Variants in SRPK2 observed in about 807,000 individuals in gnomAD.
SRPK2 encodes SFRS protein kinase 2.
SRPK2 carries 21 observed loss-of-function variants against 90.8 expected under a neutral mutation model. The observed-to-expected ratio is 0.23, with a 90% confidence interval of 0.16 to 0.33. The LOEUF is 0.33. Among genes scored for constraint, SRPK2 ranks in the 10% least tolerant of loss-of-function variants. SRPK2 has a pLI of 1.00. For synonymous variants in SRPK2, 288 were observed against 311.1 expected (o/e 0.93, Z 0.78); for missense variants, 620 against 869.0 (o/e 0.71, Z 3.60).
intron 2 of SRPK2, among the ~76,000 whole-genome samples, chr7:105,353,652 C>A (rs946182017): frequency 3.3e-5 from 5 of 152,096 alleles, no homozygotes; most frequent in Non-Finnish European, 7.4e-5. Context: ...AGACTGCCTT[C>A]AAGCAAATTC....
intron 2 of SRPK2, among the ~76,000 whole-genome samples, chr7:105,211,352 T>A (rs527327204): frequency 9.9e-5 from 15 of 152,066 alleles, no homozygotes; most frequent in African/African-American, 3.6e-4. Flanking sequence ...CCTGAATGAG[T>A]CCATTCGTGC....
intron 2 of SRPK2, among the ~76,000 whole-genome samples, chr7:105,305,696 C>T (rs1406192727): frequency 6.6e-5 from 10 of 151,994 alleles, no homozygotes; most frequent in Admixed American, 5.9e-4. Context: ...GGCTGGGGTC[C>T]CTGAATTTAA....
At position 105,329,658 on chromosome 7, in the gene SRPK2, C is replaced by T. The variant is rs181104363; in HGVS notation, c.71+58990G>A. ...GAGCAGCAGAAGATGGGAAAGGGTA[C>T]AGAAAATGAAGTGACACCCAATTCA... On this transcript the variant is annotated intron_variant, in intron 2 of 15. Transcript: ENST00000393651. Among the ~76,000 whole-genome samples the T allele has an allele frequency of 7.3e-3, 1,102 of 151,634 alleles. 10 individuals carry two copies. The highest frequency in any genetic ancestry group is 9.6e-3 in the Non-Finnish European group (650 of 67,904).
chr7:105,246,706 C>T (rs1009328504), intron 2 of SRPK2, among the ~76,000 whole-genome samples: 11 of 152,138 alleles, frequency 7.2e-5, no homozygotes, highest in Non-Finnish European at 1.0e-4. Context: ...AAGACAGAAA[C>T]CTTTTCTATT....
chr7:105,386,130 C>A (rs1331955653), intron 2 of SRPK2, among the ~76,000 whole-genome samples: 1 of 151,832 alleles, frequency 6.6e-6, no homozygotes, highest in Admixed American at 6.6e-5. Context: ...CTGGCTAACA[C>A]GGTGAAACCC....
intron 2 of SRPK2, among the ~76,000 whole-genome samples, chr7:105,223,976 ATT>A (rs1205935299): frequency 6.6e-6 from 1 of 152,188 alleles, no homozygotes; most frequent in Non-Finnish European, 1.5e-5. Flanking sequence ...AAATATGCAA[ATT>A]TAGATATATA....
rs1563005755 is a variant in SRPK2, at chr7:105,159,462, A to AC, written c.621+1044_621+1045insG. Among the ~76,000 whole-genome samples the AC allele has an allele frequency of 8.1e-4, 120 of 147,914 alleles. 6 individuals are homozygous for AC. The highest frequency in any genetic ancestry group is 3.4e-3 in the Middle Eastern group (1 of 292). On this transcript the variant is annotated intron_variant, in intron 7 of 15. Coordinates refer to ENST00000393651, the MANE Select transcript of SRPK2 (RefSeq NM_182692.3). ...GACTCCGTCTCCAAAAAAAAAAAAA[A>AC]AAAAAAAAAAACCGTACAAAAGGAA...
At chr7:105,353,132 C>G (rs896120354) in intron 2 of SRPK2, among the ~76,000 whole-genome samples, 2 of 152,118 alleles carry the variant, frequency 1.3e-5, no homozygotes, top group Non-Finnish European at 2.9e-5. Context: ...CTAAGGAACT[C>G]CCAACTCCAA....
At chr7:105,209,597 G>T (rs1449652415) in intron 2 of SRPK2, among the ~76,000 whole-genome samples, 1 of 149,924 alleles carries the variant, frequency 6.7e-6, no homozygotes, top group African/African-American at 2.5e-5. Context: ...GGAAGGGAAG[G>T]GGAAAGGAAA....
intron 3 of SRPK2, among the ~76,000 whole-genome samples, chr7:105,176,709 A>ATGTG (rs34930111): frequency 3.9e-5 from 5 of 127,436 alleles, no homozygotes; most frequent in South Asian, 4.8e-4. Flanking sequence ...ATGTATGTGT[A>ATGTG]TGTGTGTGTG....
intron 3 of SRPK2, among the ~76,000 whole-genome samples, chr7:105,181,236 G>A (rs950504607): frequency 2.0e-5 from 3 of 152,178 alleles, no homozygotes; most frequent in African/African-American, 7.2e-5. Flanking sequence ...TCAAGGTTGT[G>A]GAGAAAAGGG....
intron 2 of SRPK2, among the ~76,000 whole-genome samples, chr7:105,208,900 T>C (rs1796522791): frequency 6.6e-6 from 1 of 152,118 alleles, no homozygotes; most frequent in African/African-American, 2.4e-5. Flanking sequence ...GGCAGGAGGA[T>C]CGCTTGAGCC....
intron 2 of SRPK2, among the ~76,000 whole-genome samples, chr7:105,274,332 T>C (rs7802568): frequency 0.44 from 66,381 of 151,916 alleles, 15,802 homozygotes; most frequent in South Asian, 0.53. Flanking sequence ...GAGGCCCACG[T>C]GGGCGGATCA....
At chr7:105,331,521 G>A (rs1208302596) in intron 2 of SRPK2, among the ~76,000 whole-genome samples, 1 of 152,068 alleles carries the variant, frequency 6.6e-6, no homozygotes, top group Non-Finnish European at 1.5e-5. Context: ...AGACAAGAGA[G>A]ATGAATAGTA....
At position 105,202,204 on chromosome 7, in the gene SRPK2, G is replaced by C. The variant is rs77032007; in HGVS notation, c.229+1424C>G. Among the ~76,000 whole-genome samples, 3 of 152,280 alleles carry C rather than the reference G, an allele frequency of 2.0e-5. No individual in the cohort carries two copies. The East Asian group carries it at 5.8e-4, about 29-fold the overall frequency. ...TTAGTTCCTACACTTTTGTAGTACA[G>C]TAACTTTCTCTTCCTCTTAGCAGGT... is the stretch of plus-strand genomic sequence containing the variant. On this transcript the variant is annotated intron_variant, in intron 3 of 15. Coordinates refer to ENST00000393651, the MANE Select transcript of SRPK2 (RefSeq NM_182692.3).
chr7:105,175,302 A>C (rs1791698813), intron 3 of SRPK2, among the ~76,000 whole-genome samples: 2 of 152,184 alleles, frequency 1.3e-5, no homozygotes, highest in South Asian at 4.1e-4. Context: ...GAAATCAAAA[A>C]GAAAATAGCA....
At chr7:105,358,460 T>A (rs1818051409) in intron 2 of SRPK2, among the ~76,000 whole-genome samples, 1 of 152,030 alleles carries the variant, frequency 6.6e-6, no homozygotes, top group African/African-American at 2.4e-5. Context: ...CTGAAGCAAG[T>A]GGATCACTTG....
chr7:105,270,736 A>G (rs1035614886), intron 2 of SRPK2, among the ~76,000 whole-genome samples: 11 of 152,032 alleles, frequency 7.2e-5, no homozygotes, highest in Non-Finnish European at 1.6e-4. Flanking sequence ...TAGCTGTATG[A>G]CCTTGGAGAA....
chr7:105,135,359 G>A (rs1256048455), intron 11 of SRPK2, among the ~76,000 whole-genome samples: 2 of 152,130 alleles, frequency 1.3e-5, no homozygotes, highest in Non-Finnish European at 2.9e-5. Flanking sequence ...CTGGCCAGAC[G>A]CAGGGGCTTC....
Sources: gnomAD v4.1 joint callset for allele counts (sites outside exome capture counted in the v4.1 genomes callset) on GRCh38, gnomAD v4.1.1 for gene constraint, MANE v1.5 for transcripts, NCBI Gene and HGNC (gene_info 2026-07-23, HGNC 2026-07-21) for gene names.